Variants in LGR6 observed in about 807,000 individuals in gnomAD.
LGR6 encodes the protein leucine-rich repeat-containing G protein-coupled receptor 6.
In LGR6, 45 loss-of-function variants were observed where a neutral mutation model predicts 69.4. The observed-to-expected ratio is 0.65, with a 90% confidence interval of 0.51 to 0.83. The LOEUF (loss-of-function observed/expected upper bound fraction) is 0.83, where lower values mean the gene tolerates loss of function less well. Among genes scored for constraint, LGR6 ranks in the 40% least tolerant of loss-of-function variants. The pLI is 0.00. For missense variants in LGR6, 1,108 were observed against 1,246.7 expected (o/e 0.89, Z 1.68); for synonymous variants, 538 against 555.0 (o/e 0.97, Z 0.43).
At chr1:202,229,727 C>T (rs886497321) in intron 3 of LGR6, among the ~76,000 whole-genome samples, 1 of 152,184 alleles carries the variant, frequency 6.6e-6, no homozygotes, top group African/African-American at 2.4e-5. Flanking sequence ...GAGCTGAGGA[C>T]AGCCAGGCTG....
At chr1:202,231,975 C>T (rs1661117532) in intron 3 of LGR6, among the ~76,000 whole-genome samples, 1 of 152,004 alleles carries the variant, frequency 6.6e-6, no homozygotes, top group African/African-American at 2.4e-5. Flanking sequence ...ACCTGTAATC[C>T]CAGCTACTTA....
chr1:202,253,772 G>A (rs891250842), intron 4 of LGR6, among the ~76,000 whole-genome samples: 5 of 146,926 alleles, frequency 3.4e-5, no homozygotes, highest in African/African-American at 1.3e-4. Context: ...GGGACTACAG[G>A]CATATGCCAC....
chr1:202,210,533 C>T (rs948737295), intron 1 of LGR6, among the ~76,000 whole-genome samples: 8 of 152,120 alleles, frequency 5.3e-5, no homozygotes, highest in Non-Finnish European at 1.2e-4. Context: ...ACTAACCTGG[C>T]TCCACCACAG....
At chr1:202,252,372 C>G (rs947579864) in intron 4 of LGR6, among the ~76,000 whole-genome samples, 1 of 152,178 alleles carries the variant, frequency 6.6e-6, no homozygotes, top group African/African-American at 2.4e-5. Flanking sequence ...ATAATTCCAT[C>G]TGACTCTGGG....
intron 2 of LGR6, 149 bp downstream of exon 2, chr1:202,225,643 C>T: frequency 1.6e-6 from 1 of 632,374 alleles, no homozygotes; most frequent in South Asian, 2.0e-5. Flanking sequence ...CTTCAGCTGA[C>T]ACCTGCCCCA....
At chr1:202,307,989 G>A (rs190974971) in intron 14 of LGR6, among the ~76,000 whole-genome samples, 1 of 152,288 alleles carries the variant, frequency 6.6e-6, no homozygotes, top group East Asian at 1.9e-4. Flanking sequence ...TGCCCAAGAG[G>A]GAGCTGACAT....
At chr1:202,286,737 A>AT (rs1262622420) in intron 6 of LGR6, among the ~76,000 whole-genome samples, 4 of 151,672 alleles carry the variant, frequency 2.6e-5, no homozygotes, top group East Asian at 1.9e-4. Flanking sequence ...CCATATAAAA[A>AT]TTTTTTTTTC....
chr1:202,199,374 C>T (rs951497127), intron 1 of LGR6, among the ~76,000 whole-genome samples: 4 of 152,086 alleles, frequency 2.6e-5, no homozygotes, highest in East Asian at 1.9e-4. Context: ...AAGGCAGACC[C>T]GGGGGGTCGC....
chr1:202,285,541 A>G (rs533776679), intron 6 of LGR6, among the ~76,000 whole-genome samples: 53 of 152,348 alleles, frequency 3.5e-4, no homozygotes, highest in African/African-American at 1.2e-3. Flanking sequence ...GTTGGCAAGG[A>G]TCGCATTAAA....
intron 1 of LGR6, among the ~76,000 whole-genome samples, chr1:202,207,399 C>T (rs1421465440): frequency 6.6e-6 from 1 of 152,164 alleles, no homozygotes; most frequent in African/African-American, 2.4e-5. Flanking sequence ...GGAGGTGCTT[C>T]TTGGCCTGAG....
intron 1 of LGR6, among the ~76,000 whole-genome samples, chr1:202,207,963 A>T (rs1348737748): frequency 6.6e-6 from 1 of 152,176 alleles, no homozygotes; most frequent in African/African-American, 2.4e-5. Flanking sequence ...AGCTGTGGAG[A>T]TAAATTCTTA....
At chr1:202,217,854 G>A (rs1044496155) in intron 1 of LGR6, among the ~76,000 whole-genome samples, 52 of 152,296 alleles carry the variant, frequency 3.4e-4, no homozygotes, top group African/African-American at 1.1e-3. Context: ...TTGTTCTCAC[G>A]CAGGACTCTG....
At chr1:202,271,914 G>A (rs1399630523) in intron 4 of LGR6, among the ~76,000 whole-genome samples, 2 of 151,864 alleles carry the variant, frequency 1.3e-5, no homozygotes, top group East Asian at 1.9e-4. Context: ...TCTGTGCTTC[G>A]TGGAGTCTCC....
chr1:202,306,115 T>C (rs1023748162), intron 12 of LGR6, among the ~76,000 whole-genome samples: 1 of 152,190 alleles, frequency 6.6e-6, no homozygotes, highest in African/African-American at 2.4e-5. Flanking sequence ...GGAAGCACCC[T>C]GCATTTTGGA....
chr1:202,240,575 T>C (rs578053581), intron 4 of LGR6, among the ~76,000 whole-genome samples: 39 of 152,010 alleles, frequency 2.6e-4, no homozygotes, highest in African/African-American at 9.2e-4. Flanking sequence ...TGTGTGTGTG[T>C]TGGTGGGAAG....
intron 4 of LGR6, among the ~76,000 whole-genome samples, chr1:202,267,244 G>A (rs1402894053): frequency 6.6e-6 from 1 of 152,122 alleles, no homozygotes. Flanking sequence ...TGGATCTGGG[G>A]AGTCCTTAGC....
intron 4 of LGR6, among the ~76,000 whole-genome samples, chr1:202,254,289 A>G (rs1198744299): frequency 6.6e-6 from 1 of 152,134 alleles, no homozygotes; most frequent in East Asian, 1.9e-4. Flanking sequence ...CTCCTACCAC[A>G]TCATCATTTT....
At chr1:202,246,999 G>A (rs968747808) in intron 4 of LGR6, among the ~76,000 whole-genome samples, 1 of 152,354 alleles carries the variant, frequency 6.6e-6, no homozygotes, top group African/African-American at 2.4e-5. Context: ...AGACTGTGCA[G>A]AAGGGCAGCT....
rs768785383 is a variant in LGR6, at chr1:202,308,509, T to C, written c.1281-542T>C. ...TGCGCCTCCAGTAGAAGAAAATGCA[T>C]GTCCTCGCCTCTGGCTACAAAGCAG... On this transcript the variant is annotated intron_variant, in intron 14 of 17. Transcript: ENST00000367278. Among the ~76,000 whole-genome samples, 10 of 152,170 alleles carry C rather than the reference T, an allele frequency of 6.6e-5. 1 individual carries two copies. The highest frequency in any genetic ancestry group is 1.3e-4 in the Non-Finnish European group (9 of 68,034).
Sources: allele counts gnomAD v4.1 joint callset (sites outside exome capture counted in the v4.1 genomes callset), GRCh38; gene constraint gnomAD v4.1.1; transcripts MANE v1.5; gene names NCBI Gene and HGNC (gene_info 2026-07-23, HGNC 2026-07-21).